The following RGS6 variants were observed in gnomAD, a reference collection of about 807,000 sequenced individuals.
The protein encoded by RGS6 is regulator of G-protein signaling 6.
A neutral mutation model predicts 78.5 loss-of-function variants in RGS6; 30 were observed. The ratio of observed to expected loss-of-function variants is 0.38; its 90% CI spans 0.29 to 0.52. RGS6 has a LOEUF of 0.52. RGS6 is among the 20% of genes least tolerant of loss of function. The probability of loss-of-function intolerance (pLI) is 0.85; values close to 1 mark genes in which losing one functional copy is unlikely to be tolerated. For synonymous variants in RGS6, 206 were observed against 206.0 expected (o/e 1.00, Z 0.00); for missense variants, 495 against 609.7 (o/e 0.81, Z 1.98).
chr14:72,186,415 C>A (rs570398440), intron 2 of RGS6, among the ~76,000 whole-genome samples: 2 of 152,326 alleles, frequency 1.3e-5, no homozygotes, highest in South Asian at 4.1e-4. Context: ...GCATCTGAGG[C>A]TTTGATGTGT....
chr14:72,621,240 A>AAGGGGAT, the RGS6 span, among the ~76,000 whole-genome samples: 5 of 152,148 alleles, frequency 3.3e-5, no homozygotes, highest in African/African-American at 1.2e-4. Context: ...ATGGACTATA[A>AAGGGGAT]AGCCCTTGGG....
the RGS6 span, among the ~76,000 whole-genome samples, chr14:72,578,112 G>C: frequency 6.6e-6 from 1 of 152,176 alleles, no homozygotes; most frequent in Non-Finnish European, 1.5e-5. Context: ...AATGCAAACA[G>C]CCCAATCTAC....
chr14:72,089,891 C>G (rs1047349230), intron 2 of RGS6, among the ~76,000 whole-genome samples: 2 of 152,132 alleles, frequency 1.3e-5, no homozygotes, highest in Non-Finnish European at 2.9e-5. Flanking sequence ...CCCCCAATTG[C>G]CATCCCTACA....
chr14:72,530,889 A>C (rs1266638091), intron 15 of RGS6, among the ~76,000 whole-genome samples: 1 of 152,246 alleles, frequency 6.6e-6, no homozygotes, highest in African/African-American at 2.4e-5. Context: ...GCAAGTATGG[A>C]GCCAGTAAAC....
rs79862554 is a variant in RGS6, at chr14:72,517,368, C to T, written c.1092-983C>T. ...CATGCACAGGGCAAAGGATATGACA[C>T]CCAGACCTGGATCCTGCTGCAAGGC... On this transcript the variant is annotated intron_variant, in intron 14 of 17. Transcript: ENST00000553525. 6.0e-3 allele frequency among the ~76,000 whole-genome samples: 917 copies of T among 152,276 alleles called. 5 individuals are homozygous for T. Among genetic ancestry groups the T allele is most frequent in the Middle Eastern group, 0.01 (3 of 294 alleles).
chr14:72,536,076 A>G, intron 15 of RGS6, 110 bp from the exon 16 acceptor site: 2 of 798,914 alleles, frequency 2.5e-6, no homozygotes, highest in South Asian at 1.4e-5. Flanking sequence ...ATGCAAACAT[A>G]CCTAGGTTCC....
At chr14:72,111,935 G>A (rs192548081) in intron 2 of RGS6, among the ~76,000 whole-genome samples, 229 of 152,290 alleles carry the variant, frequency 1.5e-3, no homozygotes, top group Non-Finnish European at 2.5e-3. Context: ...TAAAGGAGCC[G>A]GATAGGTTGC....
intron 2 of RGS6, among the ~76,000 whole-genome samples, chr14:72,297,336 T>G (rs2065041170): frequency 6.6e-6 from 1 of 151,980 alleles, no homozygotes; most frequent in South Asian, 2.1e-4. Context: ...AATTGAGATC[T>G]ATTAAGTCAT....
intron 2 of RGS6, among the ~76,000 whole-genome samples, chr14:72,310,217 ACT>A (rs2068242622): frequency 6.6e-6 from 1 of 151,652 alleles, no homozygotes; most frequent in South Asian, 2.1e-4. Context: ...GGCCGCCAAG[ACT>A]CTTTCCCTTC....
the RGS6 span, among the ~76,000 whole-genome samples, chr14:71,875,003 G>A: frequency 0.17 from 26,310 of 152,126 alleles, 2,366 homozygotes; most frequent in East Asian, 0.27. Context: ...CCACTTGATT[G>A]TGGTGGATAA....
intron 16 of RGS6, among the ~76,000 whole-genome samples, chr14:72,537,067 G>T (rs192225325): frequency 6.6e-6 from 1 of 152,308 alleles, no homozygotes; most frequent in Non-Finnish European, 1.5e-5. Context: ...AGGCAAGAGA[G>T]AGGGCTCCTG....
the RGS6 span, among the ~76,000 whole-genome samples, chr14:71,892,105 G>A: frequency 1.1e-3 from 168 of 152,242 alleles, no homozygotes; most frequent in African/African-American, 3.7e-3. Context: ...GAGTCTCTGT[G>A]TTTTTCACCT....
At chr14:72,578,355 C>T in the RGS6 span, among the ~76,000 whole-genome samples, 1 of 152,192 alleles carries the variant, frequency 6.6e-6, no homozygotes, top group African/African-American at 2.4e-5. Flanking sequence ...CCTTCTCCTT[C>T]AGCCTCTCTG....
At chr14:71,936,659 T>C (rs961119986) in intron 1 of RGS6, among the ~76,000 whole-genome samples, 3 of 152,190 alleles carry the variant, frequency 2.0e-5, no homozygotes, top group African/African-American at 7.2e-5. Context: ...CAATCCCCAA[T>C]GCAAATACTA....
At chr14:72,122,278 T>G (rs1222717424) in intron 2 of RGS6, among the ~76,000 whole-genome samples, 2 of 152,186 alleles carry the variant, frequency 1.3e-5, no homozygotes, top group Admixed American at 6.5e-5. Context: ...TAGGCCTTTC[T>G]GCAGAGTTTG....
intron 2 of RGS6, among the ~76,000 whole-genome samples, chr14:72,162,920 C>A (rs2153664331): frequency 6.6e-6 from 1 of 152,146 alleles, no homozygotes; most frequent in South Asian, 2.1e-4. Flanking sequence ...GAACTGGAGA[C>A]CATTATTCTA....
chr14:72,352,333 A>G (rs1202994372), intron 3 of RGS6, 139 bp downstream of exon 3: 5 of 587,694 alleles, frequency 8.5e-6, no homozygotes, highest in Non-Finnish European at 1.5e-5. Context: ...CTCAGGTCCC[A>G]TCCTAGTCTT....
intron 2 of RGS6, among the ~76,000 whole-genome samples, chr14:72,329,186 T>C (rs1321160959): frequency 6.6e-6 from 1 of 152,274 alleles, no homozygotes; most frequent in Non-Finnish European, 1.5e-5. Context: ...CACTATTTGT[T>C]ATTTTAGATG....
intron 2 of RGS6, among the ~76,000 whole-genome samples, chr14:72,119,961 G>A (rs2096006386): frequency 6.6e-6 from 1 of 152,190 alleles, no homozygotes; most frequent in African/African-American, 2.4e-5. Context: ...TGCCTATTTT[G>A]TTTTGTGAGG....
Sources: allele counts gnomAD v4.1 joint callset (sites outside exome capture counted in the v4.1 genomes callset), GRCh38; gene constraint gnomAD v4.1.1; transcripts MANE v1.5; gene names NCBI Gene and HGNC (gene_info 2026-07-23, HGNC 2026-07-21).